Variants in KIAA1217 observed in about 807,000 individuals in gnomAD.
The protein encoded by KIAA1217 is sickle tail protein homolog.
KIAA1217 carries 88 observed loss-of-function variants against 163.9 expected under a neutral mutation model. That is an observed-to-expected ratio of 0.54 (90% CI 0.45 to 0.64). The LOEUF is 0.64. Ranked by LOEUF, KIAA1217 falls within the 30% of genes least tolerant of loss-of-function variation. KIAA1217 has a pLI of 0.00. For missense variants in KIAA1217, 2,372 were observed against 2,475.0 expected, an observed-to-expected ratio of 0.96 and a Z score of 0.88; for synonymous variants, 903 against 923.1, an observed-to-expected ratio of 0.98 and a Z score of 0.39.
intron 17 of KIAA1217, 105 bp from the exon 18 acceptor site, chr10:24,542,588 G>A: frequency 6.4e-7 from 1 of 1,556,882 alleles, no homozygotes; most frequent in African/African-American, 1.4e-5. Context: ...AATATGCGTG[G>A]CCCGCATGTC....
At chr10:24,302,982 G>C (rs984735590) in intron 2 of KIAA1217, among the ~76,000 whole-genome samples, 3 of 152,080 alleles carry the variant, frequency 2.0e-5, no homozygotes, top group African/African-American at 7.2e-5. Context: ...GTAAAGGCTT[G>C]AATTTTTACT....
intron 1 of KIAA1217, among the ~76,000 whole-genome samples, chr10:23,882,260 G>A (rs1564503692): frequency 6.6e-6 from 1 of 151,914 alleles, no homozygotes; most frequent in Non-Finnish European, 1.5e-5. Context: ...TCAGTGTACA[G>A]CAGACATTGC....
intron 1 of KIAA1217, among the ~76,000 whole-genome samples, chr10:23,798,475 A>T (rs140059959): frequency 1.3e-5 from 2 of 152,264 alleles, no homozygotes; most frequent in African/African-American, 4.8e-5. Context: ...TCTTTATGCC[A>T]CTTCACGTTA....
chr10:23,697,876 CA>C (rs763181707), intron 1 of KIAA1217, among the ~76,000 whole-genome samples: 2,982 of 129,516 alleles, frequency 0.023, 30 homozygotes, highest in East Asian at 0.039. Context: ...GACCCTGTCT[CA>C]AAAAAAAAAA....
intron 1 of KIAA1217, among the ~76,000 whole-genome samples, chr10:23,994,182 C>A (rs1191890251): frequency 1.3e-5 from 2 of 152,164 alleles, no homozygotes; most frequent in Non-Finnish European, 2.9e-5. Context: ...AAAACCCTCC[C>A]ATTGACAAGC....
Position 24,423,498 on chromosome 10 carries a change from C to T in KIAA1217, c.554-9497C>T, listed in dbSNP as rs183089340. ...TTTTTGAGAGGGAGTCTTGCTCTGTCGCCCAGGCTGAAGTGCAGTGGCACC... is the reference window on the plus strand; with the variant it reads ...TTTTTGAGAGGGAGTCTTGCTCTGTTGCCCAGGCTGAAGTGCAGTGGCACC... On this transcript the variant is annotated intron_variant, in intron 3 of 20. Coordinates refer to ENST00000376454, the MANE Select transcript of KIAA1217 (RefSeq NM_019590.5). Among the ~76,000 whole-genome samples the T allele has an allele frequency of 2.4e-3, 358 of 151,448 alleles. 1 individual carries two copies. The highest frequency in any genetic ancestry group is 8.2e-3 in the African/African-American group (338 of 41,264).
intron 3 of KIAA1217, among the ~76,000 whole-genome samples, chr10:24,403,834 T>TA (rs1019786042): frequency 2.0e-5 from 3 of 151,852 alleles, no homozygotes; most frequent in Non-Finnish European, 2.9e-5. Context: ...ATAGTTCAAA[T>TA]AAAAAAAATA....
chr10:23,917,540 A>G (rs1295444746), intron 1 of KIAA1217, among the ~76,000 whole-genome samples: 2 of 152,218 alleles, frequency 1.3e-5, no homozygotes, highest in Non-Finnish European at 2.9e-5. Flanking sequence ...ATGCAATAAC[A>G]GATTGGAGAT....
chr10:24,544,003 C>G lies in KIAA1217; in HGVS notation c.4733C>G (p.Pro1578Arg), dbSNP rs1236382877. 1.2e-6 allele frequency: 2 copies of G among 1,614,004 alleles called. No homozygotes were observed. Among genetic ancestry groups the G allele is most frequent in the African/African-American group, 2.7e-5 (2 of 74,912 alleles). Residue 1578 changes from proline (P) to arginine (R), a missense_variant, in exon 19 of 21, where the codon CCT becomes CGT. This residue lies in a region of KIAA1217 where 690 missense variants were observed against 677.5 expected (regional missense o/e 1.02). Transcript: ENST00000376454. ...SPKKKFKFKF[P>R]KKQLAALTQA... ...AAGAAAAAGTTTAAATTCAAATTCC[C>G]TAAGAAGCAACTCGCCGCTCTCACT... is the stretch of plus-strand genomic sequence containing the variant.
At chr10:24,522,989 T>C (rs142336648) in intron 12 of KIAA1217, among the ~76,000 whole-genome samples, 24 of 150,328 alleles carry the variant, frequency 1.6e-4, no homozygotes, top group Non-Finnish European at 3.4e-4. Flanking sequence ...GAGATGATTA[T>C]TGAAAATGGG....
intron 2 of KIAA1217, among the ~76,000 whole-genome samples, chr10:24,260,813 A>T (rs2075649917): frequency 6.6e-6 from 1 of 151,958 alleles, no homozygotes; most frequent in African/African-American, 2.4e-5. Context: ...TAGACATCAT[A>T]CCTTTTGTCT....
chr10:24,312,523 G>A (rs948745106), intron 2 of KIAA1217, among the ~76,000 whole-genome samples: 4 of 152,208 alleles, frequency 2.6e-5, no homozygotes, highest in South Asian at 2.1e-4. Flanking sequence ...GGAGGCTGAG[G>A]CAGGAGAATT....
chr10:24,216,020 T>A (rs1473803515), intron 1 of KIAA1217, among the ~76,000 whole-genome samples: 1 of 152,168 alleles, frequency 6.6e-6, no homozygotes, highest in Non-Finnish European at 1.5e-5. Flanking sequence ...TCAATCCTTG[T>A]TAAGCAACTG....
At chr10:23,714,324 A>T (rs531147148) in intron 1 of KIAA1217, among the ~76,000 whole-genome samples, 1 of 152,248 alleles carries the variant, frequency 6.6e-6, no homozygotes, top group East Asian at 1.9e-4. Flanking sequence ...CAAGTAATTT[A>T]TGAAGAAATT....
chr10:24,079,561 C>CT (rs2061476201), intron 2 of KIAA1217, among the ~76,000 whole-genome samples: 1 of 152,184 alleles, frequency 6.6e-6, no homozygotes, highest in Non-Finnish European at 1.5e-5. Context: ...AGTAAGGTAT[C>CT]TGATTAGTCT....
rs779604595 is a variant in KIAA1217 at position 24,520,245 on chromosome 10, C to T, written c.2300C>T (p.Thr767Ile). 8 of 1,613,894 alleles carry T rather than the reference C, an allele frequency of 5.0e-6. No homozygotes were observed. The South Asian group carries it at 8.8e-5, about 18-fold the overall frequency. Residue 767 changes from threonine (T) to isoleucine (I), a missense_variant, in exon 11 of 21, where the codon ACC (threonine) becomes ATC (isoleucine). Physicochemically the swap from Thr to Ile is moderately conservative, Grantham distance 89. Around this residue, in one of 3 missense-constraint regions of KIAA1217, gnomAD observed 1,431 missense variants for 1,470.3 expected, o/e 0.97. Coordinates refer to ENST00000376454, the MANE Select transcript of KIAA1217 (RefSeq NM_019590.5). The part of the protein sequence containing the change: ...LLRQVGEAVA[T>I]LKGEFPTLQN... ...CGTCAAGTGGGAGAGGCTGTAGCTA[C>T]CCTGAAAGGTAAACTTTCTGCTGGG...
At chr10:24,379,554 A>G (rs1348340829) in intron 2 of KIAA1217, among the ~76,000 whole-genome samples, 1 of 152,180 alleles carries the variant, frequency 6.6e-6, no homozygotes, top group Non-Finnish European at 1.5e-5. Context: ...CCTGAGAGGC[A>G]TGTAGGAAGG....
chr10:24,358,770 T>C (rs1420973603), intron 2 of KIAA1217, among the ~76,000 whole-genome samples: 1 of 152,224 alleles, frequency 6.6e-6, no homozygotes, highest in African/African-American at 2.4e-5. Context: ...TGTTTATTTT[T>C]TGCATTGCAA....
intron 9 of KIAA1217, among the ~76,000 whole-genome samples, chr10:24,508,011 C>T (rs1317641186): frequency 2.6e-5 from 4 of 152,102 alleles, no homozygotes; most frequent in Non-Finnish European, 5.9e-5. Context: ...GAGAATACTT[C>T]CTAACTCATT....
Sources: allele counts gnomAD v4.1 joint callset (sites outside exome capture counted in the v4.1 genomes callset), GRCh38; gene constraint gnomAD v4.1.1; regional missense constraint gnomAD v4.1.1; transcripts MANE v1.5; gene names NCBI Gene and HGNC (gene_info 2026-07-23, HGNC 2026-07-21).